Variants in CAST observed in about 807,000 individuals in gnomAD.
The protein encoded by CAST is MIR583 host.
Under a neutral mutation model 119.6 loss-of-function variants are expected in CAST, and 76 were observed. The ratio of observed to expected loss-of-function variants is 0.64; its 90% CI spans 0.53 to 0.77. The LOEUF (loss-of-function observed/expected upper bound fraction) is 0.77, where lower values mean the gene tolerates loss of function less well. Ranked by LOEUF, CAST falls within the 30% of genes least tolerant of loss-of-function variation. CAST has a pLI of 0.00. For synonymous variants in CAST, 319 were observed against 331.6 expected (o/e 0.96, Z 0.41); for missense variants, 953 against 946.5 (o/e 1.01, Z -0.09).
At chr5:96,743,648 A>T in intron 16 of CAST, 1 of 1,613,088 alleles carries the variant, frequency 6.2e-7, no homozygotes, top group South Asian at 1.1e-5. Flanking sequence ...TCTATCTTCG[A>T]CTTTCTTGGA....
the CAST span, among the ~76,000 whole-genome samples, chr5:96,122,639 T>C: frequency 2.6e-5 from 4 of 152,156 alleles, no homozygotes; most frequent in Admixed American, 2.6e-4. Context: ...GTAGAAAGTT[T>C]ATTCTCAAAC....
At chr5:96,582,992 C>T (rs1746794597) in intron 1 of CAST, among the ~76,000 whole-genome samples, 1 of 152,044 alleles carries the variant, frequency 6.6e-6, no homozygotes, top group South Asian at 2.1e-4. Context: ...TTTTTATAGA[C>T]CCTTCCCAAA....
the CAST span, among the ~76,000 whole-genome samples, chr5:96,381,407 A>G: frequency 6.6e-6 from 1 of 152,166 alleles, no homozygotes; most frequent in African/African-American, 2.4e-5. Flanking sequence ...GTGGTGTATG[A>G]TTCCAAAAAC....
upstream of CAST, among the ~76,000 whole-genome samples, chr5:96,661,858 G>C (rs1211524846): frequency 1.6e-5 from 2 of 128,358 alleles, no homozygotes; most frequent in Admixed American, 1.4e-4. Context: ...GCGCGTGCAC[G>C]CACGCACACA....
intron 24 of CAST, 50 bp from the exon 25 acceptor site, chr5:96,762,224 T>C (rs902225036): frequency 8.2e-7 from 1 of 1,218,102 alleles, no homozygotes; most frequent in Admixed American, 2.1e-5. Context: ...GGCATTGTGC[T>C]CATAATTTTA....
the CAST span, among the ~76,000 whole-genome samples, chr5:95,963,422 A>G: frequency 6.6e-6 from 1 of 152,260 alleles, no homozygotes; most frequent in Admixed American, 6.5e-5. Flanking sequence ...ACTCCATCAC[A>G]GGAAAACAGT....
intron 18 of CAST, among the ~76,000 whole-genome samples, chr5:96,748,122 C>T (rs981904431): frequency 3.3e-5 from 5 of 152,128 alleles, no homozygotes; most frequent in Admixed American, 6.5e-5. Flanking sequence ...ATCATAGAAA[C>T]GGAGTATATC....
the CAST span, among the ~76,000 whole-genome samples, chr5:96,519,688 C>T: frequency 6.6e-6 from 1 of 152,166 alleles, no homozygotes; most frequent in African/African-American, 2.4e-5. Flanking sequence ...CTCACTGCAG[C>T]TTACATCTCC....
the CAST span, among the ~76,000 whole-genome samples, chr5:96,148,693 T>C: frequency 6.6e-6 from 1 of 152,252 alleles, no homozygotes; most frequent in East Asian, 1.9e-4. Context: ...TGGTTTAATA[T>C]ATGCTAGAGC....
the CAST span, chr5:96,392,821 T>G: frequency 2.7e-5 from 18 of 673,786 alleles, no homozygotes; most frequent in African/African-American, 3.2e-4. Flanking sequence ...ATTCTGGAAG[T>G]TGAACTTCCT....
At chr5:96,500,336 T>G in the CAST span, among the ~76,000 whole-genome samples, 2 of 152,234 alleles carry the variant, frequency 1.3e-5, no homozygotes, top group Admixed American at 1.3e-4. Flanking sequence ...AAACAAGGTA[T>G]GCCTGTATAA....
At chr5:96,480,524 T>G in the CAST span, among the ~76,000 whole-genome samples, 2 of 152,052 alleles carry the variant, frequency 1.3e-5, no homozygotes, top group Non-Finnish European at 2.9e-5. Flanking sequence ...AAACTGGAGA[T>G]AGAGAAAGGA....
the CAST span, among the ~76,000 whole-genome samples, chr5:96,185,936 G>A: frequency 2.6e-5 from 4 of 151,868 alleles, no homozygotes; most frequent in Non-Finnish European, 5.9e-5. Context: ...TAAATTACTT[G>A]AAGCAGTATG....
upstream of CAST, among the ~76,000 whole-genome samples, chr5:96,522,775 C>T (rs571697671): frequency 2.8e-4 from 43 of 152,146 alleles, no homozygotes; most frequent in Non-Finnish European, 3.7e-4. Flanking sequence ...ACTTGTTCCA[C>T]CCGAGAGAAA....
chr5:96,590,074 T>C (rs1201529162), intron 1 of CAST, among the ~76,000 whole-genome samples: 1 of 152,238 alleles, frequency 6.6e-6, no homozygotes, highest in Non-Finnish European at 1.5e-5. Flanking sequence ...CTCTGCTAAC[T>C]AATTTTAAAA....
the CAST span, among the ~76,000 whole-genome samples, chr5:96,100,172 T>A: frequency 6.6e-6 from 1 of 152,122 alleles, no homozygotes; most frequent in Admixed American, 6.5e-5. Context: ...TGCTGCAGGT[T>A]TAGCCTCTTT....
chr5:96,103,135 G>A, the CAST span, among the ~76,000 whole-genome samples: 1 of 152,058 alleles, frequency 6.6e-6, no homozygotes, highest in Non-Finnish European at 1.5e-5. Context: ...TTAAAATTTG[G>A]AGGGCAGAAA....
At chr5:96,751,068 C>T (rs1044632092) in intron 20 of CAST, among the ~76,000 whole-genome samples, 1 of 152,068 alleles carries the variant, frequency 6.6e-6, no homozygotes, top group South Asian at 2.1e-4. Context: ...ATGATTCCTC[C>T]CCACTCTTCC....
the CAST span, among the ~76,000 whole-genome samples, chr5:96,089,830 T>C: frequency 2.0e-5 from 3 of 152,232 alleles, no homozygotes; most frequent in African/African-American, 4.8e-5. Context: ...TTCAAGTAAA[T>C]AGGTAACTAA....
Sources: allele counts gnomAD v4.1 joint callset (sites outside exome capture counted in the v4.1 genomes callset), GRCh38; gene constraint gnomAD v4.1.1; transcripts MANE v1.5; gene names NCBI Gene and HGNC (gene_info 2026-07-23, HGNC 2026-07-21).